KDM4C: variants seen among roughly 807,000 people sequenced by gnomAD.
KDM4C encodes lysine demethylase 4C, also known as lysine-specific demethylase 4C.
In KDM4C, 81 loss-of-function variants were observed where a neutral mutation model predicts 129.3. The ratio of observed to expected loss-of-function variants is 0.63; its 90% confidence interval spans 0.52 to 0.75. KDM4C has a LOEUF of 0.75. Among genes scored for constraint, KDM4C ranks in the 30% least tolerant of loss-of-function variants. The probability of loss-of-function intolerance (pLI) is 0.00; values close to 1 mark genes in which losing one functional copy is unlikely to be tolerated. For missense variants in KDM4C, 1,457 were observed against 1,304.0 expected (o/e 1.12, Z -1.81); for synonymous variants, 573 against 456.1 (o/e 1.26, Z -3.26).
chr9:6,739,382 CTAAT>C (rs1011302275), intron 1 of KDM4C, among the ~76,000 whole-genome samples: 2 of 151,498 alleles, frequency 1.3e-5, no homozygotes, highest in African/African-American at 4.9e-5. Context: ...CATTTTTTTC[CTAAT>C]TAATTTGTGA....
At chr9:6,726,047 C>T (rs986317767) in intron 1 of KDM4C, among the ~76,000 whole-genome samples, 25 of 152,082 alleles carry the variant, frequency 1.6e-4, no homozygotes, top group African/African-American at 5.6e-4. Context: ...CTGCTTCAGC[C>T]TCCCAAGTAG....
At position 6,885,937 on chromosome 9, in the gene KDM4C, C is replaced by T. The variant is rs187328627; in HGVS notation, c.680-2023C>T. Among the ~76,000 whole-genome samples, 68 of 152,274 alleles carry T rather than the reference C, an allele frequency of 4.5e-4. 1 individual carries two copies. The highest frequency in any genetic ancestry group is 2.9e-3 in the East Asian group (15 of 5,188). ...TGACCAGTCACCACATTGTTCAGGT[C>T]CTGATTACAAATCTATATTGAAAGA... On this transcript the variant is annotated intron_variant, in intron 6 of 21. Transcript: ENST00000381309.
chr9:6,782,071 C>T (rs1190065455), intron 1 of KDM4C, among the ~76,000 whole-genome samples: 2 of 152,062 alleles, frequency 1.3e-5, no homozygotes, highest in Non-Finnish European at 2.9e-5. Context: ...GTGATCTGTC[C>T]ACCTCGGTCT....
intron 8 of KDM4C, among the ~76,000 whole-genome samples, chr9:6,936,513 A>T (rs902990143): frequency 6.6e-6 from 1 of 152,242 alleles, no homozygotes; most frequent in Non-Finnish European, 1.5e-5. Context: ...ATGGTCCAGT[A>T]AATTAGGTAA....
At chr9:7,076,723 A>G (rs1001571231) in intron 17 of KDM4C, 21 of 1,211,708 alleles carry the variant, frequency 1.7e-5, no homozygotes, top group Middle Eastern at 3.0e-4. Flanking sequence ...TTGACTTCCT[A>G]TGTGGGGTAA....
chr9:6,787,574 C>T (rs900199569), intron 1 of KDM4C, among the ~76,000 whole-genome samples: 2 of 152,212 alleles, frequency 1.3e-5, no homozygotes, highest in African/African-American at 2.4e-5. Flanking sequence ...AATCTTGATT[C>T]GTATTTCTCT....
intron 15 of KDM4C, 40 bp downstream of exon 15, chr9:7,015,969 A>T: frequency 1.4e-6 from 2 of 1,404,372 alleles, no homozygotes; most frequent in African/African-American, 1.4e-5. Context: ...CTTTCTTCCC[A>T]CCCTACCCAC....
At chr9:6,972,469 T>A (rs1832163720) in intron 8 of KDM4C, among the ~76,000 whole-genome samples, 1 of 152,154 alleles carries the variant, frequency 6.6e-6, no homozygotes. Flanking sequence ...TAAACACAGA[T>A]GAGCTGTGCG....
intron 1 of KDM4C, among the ~76,000 whole-genome samples, chr9:6,738,457 A>G (rs1817595132): frequency 6.6e-6 from 1 of 152,106 alleles, no homozygotes; most frequent in Non-Finnish European, 1.5e-5. Context: ...CTTGGGCGAC[A>G]GGTCCTCACT....
At chr9:7,085,037 A>G (rs1834951269) in intron 17 of KDM4C, among the ~76,000 whole-genome samples, 1 of 152,256 alleles carries the variant, frequency 6.6e-6, no homozygotes, top group Non-Finnish European at 1.5e-5. Flanking sequence ...GGTGTGGCCA[A>G]GATGAAGGTA....
At chr9:6,775,706 G>T (rs531862977) in intron 1 of KDM4C, among the ~76,000 whole-genome samples, 32 of 151,976 alleles carry the variant, frequency 2.1e-4, no homozygotes, top group Middle Eastern at 3.4e-3. Context: ...ATTTTTAGTA[G>T]AGACGGGGTT....
At chr9:6,731,163 C>T (rs1408921137) in intron 1 of KDM4C, among the ~76,000 whole-genome samples, 1 of 152,102 alleles carries the variant, frequency 6.6e-6, no homozygotes, top group Admixed American at 6.6e-5. Flanking sequence ...GTGGGCTTTG[C>T]AAGGTGGGAA....
intron 12 of KDM4C, among the ~76,000 whole-genome samples, chr9:6,991,885 T>C (rs919610992): frequency 2.0e-5 from 3 of 152,106 alleles, no homozygotes; most frequent in Non-Finnish European, 4.4e-5. Context: ...AAAGTAAAAA[T>C]ATCATGAATG....
chr9:6,734,984 C>T (rs1480575872), intron 1 of KDM4C: 2 of 565,386 alleles, frequency 3.5e-6, no homozygotes. Context: ...CAACCACACT[C>T]AAGTTGATAG....
chr9:7,008,201 C>T (rs147976870), intron 12 of KDM4C, among the ~76,000 whole-genome samples: 1 of 152,098 alleles, frequency 6.6e-6, no homozygotes, highest in South Asian at 2.1e-4. Context: ...CCTCAGATCC[C>T]AATCTAAGGT....
At chr9:7,052,419 T>G (rs1830267625) in intron 17 of KDM4C, among the ~76,000 whole-genome samples, 1 of 152,216 alleles carries the variant, frequency 6.6e-6, no homozygotes, top group African/African-American at 2.4e-5. Flanking sequence ...CATTATTCAT[T>G]ATTTGCACGT....
rs145591538 is a variant in KDM4C, at chr9:6,849,644, C to T, written c.573C>T (p.Thr191=). 61 of 1,613,204 alleles carry T rather than the reference C, an allele frequency of 3.8e-5. No individual in the cohort carries two copies. Among genetic ancestry groups the T allele is most frequent in the Admixed American group, 1.3e-4 (8 of 59,986 alleles). Residue 191 remains threonine (T), a synonymous_variant, in exon 5 of 22, where the codon ACC becomes ACT. Transcript: ENST00000381309. ...GMWKTTFAWH[T]EDMDLYSINY... Reference sequence around the variant, plus strand: ...GGAAGACCACGTTTGCATGGCACACCGAAGACATGGACCTCTATAGCATTA... The same window carrying T: ...GGAAGACCACGTTTGCATGGCACACTGAAGACATGGACCTCTATAGCATTA...
chr9:7,063,335 C>G (rs920526004), intron 17 of KDM4C, among the ~76,000 whole-genome samples: 1 of 152,070 alleles, frequency 6.6e-6, no homozygotes, highest in South Asian at 2.1e-4. Flanking sequence ...TGGAAGATAC[C>G]AGCTTGACTG....
chr9:6,973,798 A>G (rs1179500118), intron 8 of KDM4C: 1 of 152,184 alleles, frequency 6.6e-6, no homozygotes, highest in East Asian at 1.9e-4. Flanking sequence ...ATATTTACCT[A>G]CATTCATACT....
Sources: allele counts gnomAD v4.1 joint callset (sites outside exome capture counted in the v4.1 genomes callset), GRCh38; gene constraint gnomAD v4.1.1; transcripts MANE v1.5; gene names NCBI Gene and HGNC (gene_info 2026-07-23, HGNC 2026-07-21).